The following GAS7 variants were observed in gnomAD, a reference collection of about 807,000 sequenced individuals.
GAS7 encodes growth arrest-specific protein 7.
Under a neutral mutation model 71.1 loss-of-function variants are expected in GAS7, and 28 were observed. The ratio of observed to expected loss-of-function variants is 0.39; its 90% CI spans 0.29 to 0.54. The LOEUF (loss-of-function observed/expected upper bound fraction) is 0.54, where lower values mean the gene tolerates loss of function less well. GAS7 is among the 20% of genes least tolerant of loss of function. The probability of loss-of-function intolerance (pLI) is 0.62; values close to 1 mark genes in which losing one functional copy is unlikely to be tolerated. For missense variants in GAS7, 436 were observed against 627.8 expected, an observed-to-expected ratio of 0.69 and a Z score of 3.27; for synonymous variants, 258 against 245.8, an observed-to-expected ratio of 1.05 and a Z score of -0.46.
chr17:10,003,973 G>A (rs931192695), intron 2 of GAS7, among the ~76,000 whole-genome samples: 2 of 152,138 alleles, frequency 1.3e-5, no homozygotes, highest in Non-Finnish European at 2.9e-5. Flanking sequence ...CAATCTCATC[G>A]ATGGGACCTC....
At chr17:9,975,439 T>C (rs983245696) in intron 3 of GAS7, among the ~76,000 whole-genome samples, 1 of 151,350 alleles carries the variant, frequency 6.6e-6, no homozygotes, top group Non-Finnish European at 1.5e-5. Context: ...TCTTTTCCTC[T>C]TCCCCTCTCT....
intron 11 of GAS7, among the ~76,000 whole-genome samples, chr17:9,921,822 G>A (rs1309800939): frequency 6.6e-6 from 1 of 152,076 alleles, no homozygotes; most frequent in African/African-American, 2.4e-5. Context: ...AGCCAGGCGT[G>A]GTGGCAGGCG....
chr17:10,150,591 CTT>C (rs3051271), intron 1 of GAS7, among the ~76,000 whole-genome samples: 8 of 118,944 alleles, frequency 6.7e-5, no homozygotes, highest in Admixed American at 9.7e-5. Context: ...TGTTACATTT[CTT>C]TTTTTTTTTT....
At position 9,934,502 on chromosome 17, in the gene GAS7, G is replaced by T. The variant is rs192789060; in HGVS notation, c.807-258C>A. ...CTGTGGCGCACAGCCAAGAGGTGGG[G>T]GGGGTGGGGATTCCTAGAAATCCAG... On this transcript the variant is annotated intron_variant, in intron 8 of 13. Transcript: ENST00000432992. Among the ~76,000 whole-genome samples, 440 of 152,232 alleles carry T rather than the reference G, an allele frequency of 2.9e-3. 1 individual carries two copies. The highest frequency in any genetic ancestry group is 0.01 in the African/African-American group (419 of 41,530).
At chr17:10,125,660 G>A (rs181621159) in intron 1 of GAS7, among the ~76,000 whole-genome samples, 1 of 151,996 alleles carries the variant, frequency 6.6e-6, no homozygotes, top group East Asian at 1.9e-4. Flanking sequence ...AGATGAGGAG[G>A]GAGGAGGGCA....
At chr17:10,118,911 T>C (rs534994993) in intron 1 of GAS7, among the ~76,000 whole-genome samples, 9 of 152,194 alleles carry the variant, frequency 5.9e-5, no homozygotes, top group African/African-American at 2.2e-4. Flanking sequence ...CATGGTGACA[T>C]GCACTGTAAG....
chr17:10,056,305 G>A (rs1372006404), intron 1 of GAS7, among the ~76,000 whole-genome samples: 3 of 151,952 alleles, frequency 2.0e-5, no homozygotes, highest in African/African-American at 7.3e-5. Flanking sequence ...AACCAGCCTG[G>A]GCAACAAAGT....
intron 2 of GAS7, among the ~76,000 whole-genome samples, chr17:10,003,283 G>C (rs1311494998): frequency 2.0e-5 from 3 of 152,212 alleles, no homozygotes; most frequent in African/African-American, 7.2e-5. Flanking sequence ...GGGCAGTAAA[G>C]AAAGCACAGG....
intron 2 of GAS7, among the ~76,000 whole-genome samples, chr17:10,014,686 T>G (rs115930083): frequency 1.4e-3 from 214 of 152,214 alleles, no homozygotes; most frequent in African/African-American, 4.7e-3. Context: ...AGCCCCCAGA[T>G]TTCCACACGA....
chr17:10,083,101 T>C (rs887208860), intron 1 of GAS7, among the ~76,000 whole-genome samples: 1 of 152,258 alleles, frequency 6.6e-6, no homozygotes, highest in Non-Finnish European at 1.5e-5. Flanking sequence ...TGTCAACTCA[T>C]TGGCCTGTAC....
At chr17:10,024,760 A>G (rs16959243) in intron 1 of GAS7, among the ~76,000 whole-genome samples, 22,766 of 152,088 alleles carry the variant, frequency 0.15, 1,836 homozygotes, top group African/African-American at 0.2. Flanking sequence ...AATCTGAGGA[A>G]GGCTATGGAT....
At chr17:10,048,931 A>C (rs147300320) in intron 1 of GAS7, among the ~76,000 whole-genome samples, 4 of 152,202 alleles carry the variant, frequency 2.6e-5, no homozygotes, top group Admixed American at 2.0e-4. Context: ...GCGGGGGGGA[A>C]GATTAGTGCC....
At chr17:10,023,682 G>A (rs1381829126) in intron 1 of GAS7, among the ~76,000 whole-genome samples, 1 of 152,246 alleles carries the variant, frequency 6.6e-6, no homozygotes, top group Non-Finnish European at 1.5e-5. Flanking sequence ...CCAGAGGCCT[G>A]GGGAGGGGAG....
intron 8 of GAS7, among the ~76,000 whole-genome samples, chr17:9,937,351 A>T (rs2152086882): frequency 6.6e-6 from 1 of 152,360 alleles, no homozygotes; most frequent in East Asian, 1.9e-4. Flanking sequence ...CCTTGGCAGC[A>T]GCCCAGGCTG....
At chr17:10,081,665 T>G (rs1459911986) in intron 1 of GAS7, among the ~76,000 whole-genome samples, 7 of 152,004 alleles carry the variant, frequency 4.6e-5, no homozygotes, top group Admixed American at 3.9e-4. Flanking sequence ...AAATAAACAT[T>G]TGAAAACAGA....
intron 1 of GAS7, among the ~76,000 whole-genome samples, chr17:10,162,084 A>C (rs978512635): frequency 1.3e-5 from 2 of 151,440 alleles, no homozygotes; most frequent in African/African-American, 4.9e-5. Flanking sequence ...AAAAAAAAAA[A>C]AAAATCGCCT....
intron 3 of GAS7, among the ~76,000 whole-genome samples, chr17:9,971,185 C>T (rs2069945324): frequency 6.6e-6 from 1 of 151,988 alleles, no homozygotes; most frequent in African/African-American, 2.4e-5. Flanking sequence ...TCGCTTGAGT[C>T]CAGGAGTTCC....
chr17:10,154,316 T>G (rs530647203), intron 1 of GAS7, among the ~76,000 whole-genome samples: 1 of 152,040 alleles, frequency 6.6e-6, no homozygotes, highest in Non-Finnish European at 1.5e-5. Context: ...CTGGGCAACA[T>G]AGAGAGACCT....
At chr17:10,024,897 T>G (rs1026615593) in intron 1 of GAS7, among the ~76,000 whole-genome samples, 1 of 152,172 alleles carries the variant, frequency 6.6e-6, no homozygotes, top group Non-Finnish European at 1.5e-5. Flanking sequence ...CCCAGGTCCA[T>G]CTGTACCCAT....
Sources: allele counts gnomAD v4.1 joint callset (sites outside exome capture counted in the v4.1 genomes callset), GRCh38; gene constraint gnomAD v4.1.1; transcripts MANE v1.5; gene names NCBI Gene and HGNC (gene_info 2026-07-23, HGNC 2026-07-21).